KIAA1328: variants seen among roughly 807,000 people sequenced by gnomAD.
KIAA1328 encodes KIAA1328.
KIAA1328 carries 52 observed loss-of-function variants against 68.1 expected under a neutral mutation model. That is an observed-to-expected ratio of 0.76 (90% CI 0.61 to 0.96). The LOEUF (loss-of-function observed/expected upper bound fraction) is 0.96. Among genes scored for constraint, KIAA1328 ranks in the 40% least tolerant of loss-of-function variants. The pLI is 0.00. For missense variants in KIAA1328, 641 were observed against 677.6 expected (o/e 0.95, Z 0.60); for synonymous variants, 232 against 239.4 (o/e 0.97, Z 0.28).
At chr18:37,206,454 A>C (rs1042412871) in intron 9 of KIAA1328, among the ~76,000 whole-genome samples, 5 of 152,118 alleles carry the variant, frequency 3.3e-5, no homozygotes, top group African/African-American at 1.2e-4. Context: ...CCCCCTTTGG[A>C]TCCTCAGAGA....
intron 5 of KIAA1328, among the ~76,000 whole-genome samples, chr18:36,908,927 T>C (rs1180836939): frequency 2.0e-5 from 3 of 152,164 alleles, no homozygotes; most frequent in Non-Finnish European, 4.4e-5. Context: ...CAAAGCCAAA[T>C]TGGAGTAAGC....
intron 1 of KIAA1328, chr18:36,833,369 A>G (rs1191772900): frequency 1.3e-5 from 2 of 152,228 alleles, no homozygotes. Flanking sequence ...AGAAGAAATC[A>G]TACCTGCAGA....
At chr18:37,025,261 C>T (rs982618202) in intron 6 of KIAA1328, among the ~76,000 whole-genome samples, 4 of 152,056 alleles carry the variant, frequency 2.6e-5, no homozygotes, top group South Asian at 2.1e-4. Context: ...TAGACTCCCA[C>T]GCAATAATAA....
At chr18:37,100,001 C>T (rs901584057) in intron 7 of KIAA1328, among the ~76,000 whole-genome samples, 1 of 152,186 alleles carries the variant, frequency 6.6e-6, no homozygotes, top group African/African-American at 2.4e-5. Flanking sequence ...CTGAATGCAG[C>T]ACACTGATGG....
At chr18:36,890,513 A>C (rs150832312) in intron 5 of KIAA1328, among the ~76,000 whole-genome samples, 20,575 of 152,104 alleles carry the variant, frequency 0.14, 1,749 homozygotes, top group Admixed American at 0.18. Flanking sequence ...TCTACTAAAA[A>C]TACAAAAATT....
At chr18:36,857,573 A>G (rs2047426592) in intron 4 of KIAA1328, among the ~76,000 whole-genome samples, 1 of 152,236 alleles carries the variant, frequency 6.6e-6, no homozygotes, top group Admixed American at 6.5e-5. Flanking sequence ...GTAAGTGGAC[A>G]AGCGAAAGCA....
intron 7 of KIAA1328, among the ~76,000 whole-genome samples, chr18:37,135,826 A>C (rs1052756650): frequency 2.6e-5 from 4 of 152,172 alleles, no homozygotes; most frequent in African/African-American, 9.7e-5. Context: ...TCTTACATTT[A>C]AATATTTCTT....
intron 9 of KIAA1328, among the ~76,000 whole-genome samples, chr18:37,184,628 C>T (rs2059760353): frequency 6.6e-6 from 1 of 152,126 alleles, no homozygotes; most frequent in South Asian, 2.1e-4. Context: ...CTCCACAGCT[C>T]GCTAGCAGCA....
chr18:37,182,021 G>A (rs117997994), intron 9 of KIAA1328, among the ~76,000 whole-genome samples: 1 of 152,210 alleles, frequency 6.6e-6, no homozygotes, highest in East Asian at 1.9e-4. Context: ...TGTCAACCCA[G>A]CAATAGATGA....
intron 7 of KIAA1328, among the ~76,000 whole-genome samples, chr18:37,101,119 T>A (rs951242017): frequency 2.6e-5 from 4 of 152,050 alleles, no homozygotes; most frequent in Non-Finnish European, 5.9e-5. Context: ...CCTCTCCTCC[T>A]CCAAAGGAAT....
At chr18:37,190,329 C>T (rs574055662) in intron 9 of KIAA1328, among the ~76,000 whole-genome samples, 10 of 152,242 alleles carry the variant, frequency 6.6e-5, no homozygotes, top group African/African-American at 2.4e-4. Flanking sequence ...TATTAAAAAT[C>T]ACTGCTATAA....
rs1337592591 is a variant in KIAA1328 at position 37,224,446 on chromosome 18, T to C, written c.*2219T>C. The C allele has an allele frequency of 2.7e-5, 27 of 985,434 alleles. No individual in the cohort carries two copies. Among genetic ancestry groups the C allele is most frequent in the Non-Finnish European group, 3.3e-5 (27 of 829,926 alleles). The allele number at this position is 985,434 out of a possible 1,614,324, so 61.0% of individuals were successfully genotyped here. ...AATATCAACCAATACATTTTTCACA[T>C]GCAAAACTCATCACCAGTTGCCTTT... is the stretch of plus-strand genomic sequence containing the variant. On this transcript the variant is annotated 3_prime_UTR_variant, in exon 10 of 10. Transcript: ENST00000280020.
intron 7 of KIAA1328, among the ~76,000 whole-genome samples, chr18:37,078,718 C>G (rs1218286933): frequency 1.3e-5 from 2 of 150,660 alleles, no homozygotes; most frequent in African/African-American, 4.9e-5. Flanking sequence ...AGCCAAAAAA[C>G]ACATGAAAAA....
intron 8 of KIAA1328, among the ~76,000 whole-genome samples, chr18:37,168,291 A>G: frequency 6.6e-6 from 1 of 152,248 alleles, no homozygotes; most frequent in East Asian, 1.9e-4. Flanking sequence ...CAGAAGTGGC[A>G]CATATAATGT....
At chr18:37,087,473 G>A (rs554526989) in intron 7 of KIAA1328, among the ~76,000 whole-genome samples, 27 of 152,198 alleles carry the variant, frequency 1.8e-4, no homozygotes, top group African/African-American at 4.8e-4. Flanking sequence ...GAGAATATTC[G>A]TAATAATTTT....
At chr18:36,986,217 G>C (rs369444138) in intron 6 of KIAA1328, among the ~76,000 whole-genome samples, 2 of 151,708 alleles carry the variant, frequency 1.3e-5, no homozygotes, top group Admixed American at 6.6e-5. Context: ...CAGGTGAACT[G>C]ATAAATTGTG....
intron 3 of KIAA1328, 65 bp downstream of exon 3, chr18:36,835,441 G>A: frequency 2.1e-6 from 3 of 1,441,220 alleles, no homozygotes; most frequent in Non-Finnish European, 2.8e-6. Context: ...GACCAAAAAG[G>A]GTAGAAGAAC....
intron 9 of KIAA1328, among the ~76,000 whole-genome samples, chr18:37,180,898 T>C (rs1220995820): frequency 6.6e-6 from 1 of 152,164 alleles, no homozygotes; most frequent in Non-Finnish European, 1.5e-5. Context: ...ATTCGTTAAA[T>C]GCCAGTTATG....
intron 2 of KIAA1328, among the ~76,000 whole-genome samples, 200 bp downstream of exon 2, chr18:36,834,555 G>A (rs1276689281): frequency 1.3e-5 from 2 of 152,150 alleles, no homozygotes; most frequent in African/African-American, 4.8e-5. Context: ...GGATTGGCTG[G>A]CCCAATCAGC....
Sources: allele counts gnomAD v4.1 joint callset (sites outside exome capture counted in the v4.1 genomes callset), GRCh38; gene constraint gnomAD v4.1.1; transcripts MANE v1.5; gene names NCBI Gene and HGNC (gene_info 2026-07-23, HGNC 2026-07-21).